WDPCP: variants seen among roughly 807,000 people sequenced by gnomAD.
WDPCP encodes WD repeat containing planar cell polarity effector.
A neutral mutation model predicts 93.1 loss-of-function variants in WDPCP; 71 were observed. The observed-to-expected ratio is 0.76, with a 90% confidence interval of 0.63 to 0.93. The LOEUF (loss-of-function observed/expected upper bound fraction) is 0.93. WDPCP is among the 40% of genes least tolerant of loss of function. WDPCP has a pLI of 0.00. For synonymous variants in WDPCP, 315 were observed against 315.0 expected, an observed-to-expected ratio of 1.00 and a Z score of 0.00; for missense variants, 844 against 887.4, an observed-to-expected ratio of 0.95 and a Z score of 0.62.
At chr2:63,127,919 A>G (rs1051698769) in intron 17 of WDPCP, among the ~76,000 whole-genome samples, 1 of 151,998 alleles carries the variant, frequency 6.6e-6, no homozygotes, top group Non-Finnish European at 1.5e-5. Context: ...CGGCTGGATC[A>G]CTTCAGGTCA....
intron 14 of WDPCP, among the ~76,000 whole-genome samples, chr2:63,203,113 A>C (rs992719705): frequency 6.6e-6 from 1 of 152,096 alleles, no homozygotes; most frequent in African/African-American, 2.4e-5. Flanking sequence ...CAATAGTTGC[A>C]TTTATATCAG....
chr2:63,215,139 G>A (rs1173729831), intron 14 of WDPCP, among the ~76,000 whole-genome samples: 3 of 152,142 alleles, frequency 2.0e-5, no homozygotes, highest in Non-Finnish European at 4.4e-5. Context: ...AGTTCACATG[G>A]AACCAAAAAA....
chr2:63,821,412 C>T (rs1216706923), intron 1 of WDPCP, among the ~76,000 whole-genome samples: 2 of 152,194 alleles, frequency 1.3e-5, no homozygotes, highest in Admixed American at 6.5e-5. Context: ...TTACAAGTAT[C>T]ACTGCGTGGC....
chr2:63,183,050 T>C (rs977935916), intron 14 of WDPCP, among the ~76,000 whole-genome samples: 2 of 151,990 alleles, frequency 1.3e-5, no homozygotes, highest in African/African-American at 4.8e-5. Flanking sequence ...TTAGTCTAGC[T>C]AGCAGTTTGT....
intron 15 of WDPCP, among the ~76,000 whole-genome samples, chr2:63,161,198 A>G (rs567980124): frequency 6.6e-6 from 1 of 152,358 alleles, no homozygotes; most frequent in East Asian, 1.9e-4. Flanking sequence ...TATCTGCAGA[A>G]GGCAGTTCAG....
chr2:63,383,954 C>A (rs924345595), intron 10 of WDPCP, among the ~76,000 whole-genome samples: 1 of 152,074 alleles, frequency 6.6e-6, no homozygotes, highest in South Asian at 2.1e-4. Context: ...AAGCTACATA[C>A]ATTTAAAAGT....
intron 1 of WDPCP, among the ~76,000 whole-genome samples, chr2:63,512,605 A>G (rs1160852163): frequency 6.6e-6 from 1 of 152,210 alleles, no homozygotes. Flanking sequence ...GCATAGATGA[A>G]ACTGGAAACC....
chr2:63,734,107 C>T (rs994165136), intron 2 of WDPCP, among the ~76,000 whole-genome samples: 2 of 152,102 alleles, frequency 1.3e-5, no homozygotes, highest in African/African-American at 2.4e-5. Flanking sequence ...AACAATATTC[C>T]ATTGTTAGAT....
chr2:63,617,582 CA>C (rs1309087902), intron 3 of WDPCP, among the ~76,000 whole-genome samples: 2 of 152,018 alleles, frequency 1.3e-5, no homozygotes, highest in East Asian at 3.9e-4. Flanking sequence ...GTGGTGGAGG[CA>C]AATTGTGGGA....
intron 15 of WDPCP, among the ~76,000 whole-genome samples, chr2:63,160,395 G>T (rs1672563723): frequency 1.3e-5 from 2 of 151,548 alleles, no homozygotes; most frequent in African/African-American, 4.9e-5. Context: ...GGCATTTTTG[G>T]GCTTTTGTTA....
intron 9 of WDPCP, among the ~76,000 whole-genome samples, chr2:63,421,653 T>C (rs966056773): frequency 6.6e-6 from 1 of 152,186 alleles, no homozygotes. Flanking sequence ...GCATCCCTAA[T>C]TCTGGAGAGT....
At chr2:63,667,910 G>A (rs1169926126) in intron 2 of WDPCP, among the ~76,000 whole-genome samples, 1 of 152,100 alleles carries the variant, frequency 6.6e-6, no homozygotes, top group Non-Finnish European at 1.5e-5. Context: ...GCCAGGGAAT[G>A]TTCACACACT....
At chr2:63,476,374 T>G (rs1028514430) in intron 6 of WDPCP, among the ~76,000 whole-genome samples, 1 of 152,194 alleles carries the variant, frequency 6.6e-6, no homozygotes, top group Non-Finnish European at 1.5e-5. Flanking sequence ...GACACCCTAT[T>G]TAAGTCTCAA....
At chr2:63,565,977 T>C (rs1012330653) in intron 1 of WDPCP, among the ~76,000 whole-genome samples, 2 of 152,190 alleles carry the variant, frequency 1.3e-5, no homozygotes, top group Non-Finnish European at 2.9e-5. Context: ...AACAATCTAT[T>C]ACAGTCTCCT....
intron 6 of WDPCP, among the ~76,000 whole-genome samples, chr2:63,466,699 A>C (rs1006628642): frequency 1.3e-5 from 2 of 152,218 alleles, no homozygotes; most frequent in African/African-American, 4.8e-5. Context: ...ATGTGTTTGT[A>C]AAAGACACGT....
chr2:63,832,411 A>G (rs538014561), upstream of WDPCP, among the ~76,000 whole-genome samples: 1 of 152,044 alleles, frequency 6.6e-6, no homozygotes, highest in Non-Finnish European at 1.5e-5. Flanking sequence ...AGGCCAACAC[A>G]GACTCCAGGT....
chr2:63,748,985 A>G (rs967806542), intron 2 of WDPCP, among the ~76,000 whole-genome samples: 1 of 152,088 alleles, frequency 6.6e-6, no homozygotes, highest in Admixed American at 6.6e-5. Context: ...GTTTCTGTGA[A>G]TTTGCGCTAC....
intron 6 of WDPCP, among the ~76,000 whole-genome samples, chr2:63,463,237 C>T (rs890962013): frequency 6.6e-6 from 1 of 151,404 alleles, no homozygotes; most frequent in Non-Finnish European, 1.5e-5. Flanking sequence ...TTTTTTACAT[C>T]TACTAGATTC....
At position 63,212,113 on chromosome 2, in the gene WDPCP, A is replaced by C. The variant is rs193229976; in HGVS notation, c.1916-37281T>G. Among the ~76,000 whole-genome samples, 11 of 152,324 alleles carry C rather than the reference A, an allele frequency of 7.2e-5. No individual in the cohort carries two copies. In the East Asian group the frequency reaches 9.6e-4, roughly 13 times the overall value. On this transcript the variant is annotated intron_variant, in intron 14 of 17. Coordinates refer to ENST00000272321, the MANE Select transcript of WDPCP (RefSeq NM_015910.7). ...GCCAACATTCAAATTAAGGAAATAC[A>C]GAGAACGCCACAGATACTCCTCGAG...
Sources: gnomAD v4.1 joint callset for allele counts (sites outside exome capture counted in the v4.1 genomes callset) on GRCh38, gnomAD v4.1.1 for gene constraint, MANE v1.5 for transcripts, NCBI Gene and HGNC (gene_info 2026-07-23, HGNC 2026-07-21) for gene names.